AHI1: variants seen among roughly 807,000 people sequenced by gnomAD.
The protein encoded by AHI1 is Abelson helper integration site 1, also known as jouberin.
A neutral mutation model predicts 149.3 loss-of-function variants in AHI1; 123 were observed. That is an observed-to-expected ratio of 0.82 (90% CI 0.71 to 0.96). AHI1 has a LOEUF of 0.96. AHI1 is among the 40% of genes least tolerant of loss of function. The pLI is 0.00. For missense variants in AHI1, 1,439 were observed against 1,422.7 expected (o/e 1.01, Z -0.18); for synonymous variants, 475 against 459.8 (o/e 1.03, Z -0.42).
rs17064412 is a variant in AHI1 at position 135,315,888 on chromosome 6, C to G, written c.3426+2631G>C. On this transcript the variant is annotated intron_variant, in intron 26 of 28. Transcript: ENST00000265602. Reference sequence around the variant, plus strand: ...ACCCTTTATTAACTTATCTGCATCCCTATCCACACTTACCTGTTTAGAGGG... The same window carrying G: ...ACCCTTTATTAACTTATCTGCATCCGTATCCACACTTACCTGTTTAGAGGG... 4.1e-3 allele frequency among the ~76,000 whole-genome samples: 625 copies of G among 152,246 alleles called. 2 individuals are homozygous for G. Among genetic ancestry groups the G allele is most frequent in the African/African-American group, 0.014 (601 of 41,554 alleles).
Position 135,285,575 on chromosome 6 carries a change from G to A in AHI1, c.*70C>T. On this transcript the variant is annotated 3_prime_UTR_variant, in exon 29 of 29. Transcript: ENST00000265602. ...GTATCTGAAAATTCTGAACTCTGAA[G>A]AGAAATTCCATTTGGTTTGTCATTT... 1.3e-6 allele frequency: 2 copies of A among 1,534,698 alleles called. No homozygotes were observed. Among genetic ancestry groups the A allele is most frequent in the Non-Finnish European group, 1.8e-6 (2 of 1,115,370 alleles).
intron 23 of AHI1, chr6:135,387,996 C>A (rs1562641776): frequency 6.2e-7 from 1 of 1,613,652 alleles, no homozygotes; most frequent in Non-Finnish European, 8.5e-7. Flanking sequence ...GCTTTTTCCA[C>A]CATAATATAC....
At chr6:135,449,975 A>AG (rs1298535628) in intron 11 of AHI1, among the ~76,000 whole-genome samples, 5 of 152,228 alleles carry the variant, frequency 3.3e-5, no homozygotes, top group Admixed American at 3.3e-4. Flanking sequence ...TGGCAGAGAG[A>AG]GTAGCACGGA....
At chr6:135,380,313 C>T (rs889602763) in intron 23 of AHI1, among the ~76,000 whole-genome samples, 19 of 151,980 alleles carry the variant, frequency 1.3e-4, no homozygotes, top group African/African-American at 4.6e-4. Context: ...TGTCATTATT[C>T]CCTATACAAT....
intron 26 of AHI1, among the ~76,000 whole-genome samples, chr6:135,309,311 C>A (rs1784874685): frequency 6.6e-6 from 1 of 152,114 alleles, no homozygotes; most frequent in Non-Finnish European, 1.5e-5. Flanking sequence ...ACACTTATCT[C>A]TCTAGACTCC....
intron 24 of AHI1, among the ~76,000 whole-genome samples, chr6:135,356,455 T>C (rs1304628709): frequency 2.0e-5 from 3 of 152,172 alleles, no homozygotes; most frequent in East Asian, 1.9e-4. Context: ...AACAGACTTA[T>C]GATTCTATTT....
At chr6:135,373,644 C>T (rs945735147) in intron 23 of AHI1, among the ~76,000 whole-genome samples, 2 of 152,150 alleles carry the variant, frequency 1.3e-5, no homozygotes, top group African/African-American at 2.4e-5. Context: ...TGAAAGCATA[C>T]ATTTTTTAGT....
At chr6:135,490,154 T>G (rs1377152703) in intron 5 of AHI1, 2 of 718,480 alleles carry the variant, frequency 2.8e-6, no homozygotes, top group African/African-American at 3.5e-5. Context: ...TGCCAAAGAT[T>G]CTATCATTTG....
At chr6:135,389,700 C>T (rs186245616) in intron 23 of AHI1, among the ~76,000 whole-genome samples, 44 of 152,116 alleles carry the variant, frequency 2.9e-4, no homozygotes, top group South Asian at 6.2e-4. Context: ...CTCGACTTAT[C>T]GATTTAATAT....
intron 5 of AHI1, chr6:135,474,538 G>A (rs1236507155): frequency 6.6e-6 from 1 of 151,314 alleles, no homozygotes; most frequent in African/African-American, 2.4e-5. Flanking sequence ...GAGAGTATGA[G>A]TAGAACAAGG....
chr6:135,376,142 G>A (rs908777454), intron 23 of AHI1, among the ~76,000 whole-genome samples: 1 of 152,072 alleles, frequency 6.6e-6, no homozygotes, highest in African/African-American at 2.4e-5. Flanking sequence ...ACACTCTACT[G>A]AAGAATAAGG....
At chr6:135,443,245 C>A (rs1786607465) in intron 13 of AHI1, among the ~76,000 whole-genome samples, 1 of 152,174 alleles carries the variant, frequency 6.6e-6, no homozygotes. Context: ...GTCTCTCATT[C>A]ATTATTACAA....
chr6:135,390,529 T>C (rs1402292875), intron 23 of AHI1, among the ~76,000 whole-genome samples: 1 of 152,204 alleles, frequency 6.6e-6, no homozygotes, highest in Non-Finnish European at 1.5e-5. Context: ...GGAGTGGCTC[T>C]AGACAGTCTC....
intron 27 of AHI1, among the ~76,000 whole-genome samples, chr6:135,293,466 A>G (rs1317588679): frequency 2.0e-5 from 3 of 151,510 alleles, no homozygotes; most frequent in African/African-American, 7.3e-5. Flanking sequence ...TTGTGAAGAA[A>G]GAAAACTGTC....
intron 24 of AHI1, among the ~76,000 whole-genome samples, chr6:135,348,151 AC>A (rs1791534709): frequency 6.6e-6 from 1 of 152,046 alleles, no homozygotes; most frequent in Non-Finnish European, 1.5e-5. Context: ...AACTTGGTGA[AC>A]TCACATGTTT....
chr6:135,397,653 T>C (rs1488518071), intron 22 of AHI1, among the ~76,000 whole-genome samples: 2 of 152,054 alleles, frequency 1.3e-5, no homozygotes, highest in African/African-American at 4.8e-5. Context: ...GTTAAAAAAC[T>C]TGCTGCTCTG....
intron 24 of AHI1, among the ~76,000 whole-genome samples, chr6:135,343,942 G>C (rs1790762532): frequency 1.3e-5 from 2 of 151,900 alleles, no homozygotes; most frequent in African/African-American, 2.4e-5. Flanking sequence ...ATATGATCAA[G>C]AAAGAGAAAA....
chr6:135,416,833 T>C (rs2127987664), intron 20 of AHI1, among the ~76,000 whole-genome samples: 1 of 152,166 alleles, frequency 6.6e-6, no homozygotes, highest in African/African-American at 2.4e-5. Context: ...CCAAAGGATA[T>C]TATCAAGGGA....
At chr6:135,386,153 C>T (rs1047559568) in intron 23 of AHI1, among the ~76,000 whole-genome samples, 2 of 152,068 alleles carry the variant, frequency 1.3e-5, no homozygotes, top group South Asian at 4.1e-4. Flanking sequence ...AGGATAAAGG[C>T]TGAATTAGAA....
Sources: allele counts gnomAD v4.1 joint callset (sites outside exome capture counted in the v4.1 genomes callset), GRCh38; gene constraint gnomAD v4.1.1; transcripts MANE v1.5; gene names NCBI Gene and HGNC (gene_info 2026-07-23, HGNC 2026-07-21).